Variants in SLURP2 observed in about 807,000 individuals in gnomAD.
The protein encoded by SLURP2 is secreted Ly-6/uPAR domain-containing protein 2.
Under a neutral mutation model 9.8 loss-of-function variants are expected in SLURP2, and 4 were observed. The observed-to-expected ratio is 0.41, with a 90% CI of 0.20 to 0.94. The LOEUF (loss-of-function observed/expected upper bound fraction) is 0.94. Among genes scored for constraint, SLURP2 ranks in the 40% least tolerant of loss-of-function variants. The pLI, the probability that SLURP2 is intolerant of heterozygous loss-of-function variation, is 0.32. For missense variants in SLURP2, 118 were observed against 126.4 expected (o/e 0.93, Z 0.32); for synonymous variants, 58 against 56.2 (o/e 1.03, Z -0.15).
intron 1 of SLURP2, chr8:142,766,216 T>A (rs946459380): frequency 6.6e-6 from 1 of 152,208 alleles, no homozygotes; most frequent in Non-Finnish European, 1.5e-5. Context: ...AAACATGTTT[T>A]TCCTTCAAAA....
chr8:142,764,639 G>A lies in SLURP2; in HGVS notation c.260C>T (p.Ala87Val). The change falls in exon 3 of 3, where the codon GCT becomes GTT. Residue 87 changes from alanine (A) to valine (V), a missense_variant. Coordinates refer to ENST00000317543, the MANE Select transcript of SLURP2 (RefSeq NM_177458.3). ...SLGLGPYVSI[A>V]CCQTSLCNHD ...GTTGCAGAGGCTGGTCTGGCAGCAA[G>A]CGATGGATACGTAGGGGCCCAGGCC... 6.2e-7 allele frequency: 1 copy of A among 1,608,754 alleles called. No individual in the cohort carries two copies. Among genetic ancestry groups the A allele is most frequent in the Non-Finnish European group, 8.5e-7 (1 of 1,178,402 alleles).
chr8:142,764,710 C>G lies in SLURP2; in HGVS notation c.189G>C (p.Leu63=). Residue 63 remains leucine, a synonymous_variant, in exon 3 of 3, where the codon CTG becomes CTC. Transcript: ENST00000317543. The part of the protein sequence containing the change: ...RVLSNTEDLP[L]VTKMCHIGCP... ...AGCCTATGTGGCACATCTTGGTGAC[C>G]AGAGGCAAATCCTCGGTGTTGCTGA... 1.2e-6 allele frequency: 2 copies of G among 1,613,326 alleles called. No individual in the cohort carries two copies. Among genetic ancestry groups the G allele is most frequent in the East Asian group, 2.2e-5 (1 of 44,870 alleles).
chr8:142,764,770 C>T (rs1329661908), intron 2 of SLURP2, 29 bp from the exon 3 acceptor site: 6 of 1,609,436 alleles, frequency 3.7e-6, no homozygotes, highest in Non-Finnish European at 5.1e-6. Context: ...AACCATGGAG[C>T]TCCCTGAGGC....
chr8:142,767,764 T>C (rs1275420818), intron 1 of SLURP2, among the ~76,000 whole-genome samples: 4 of 151,848 alleles, frequency 2.6e-5, no homozygotes, highest in South Asian at 2.1e-4. Flanking sequence ...CTCCAAGTGA[T>C]TGTGCTCAGG....
At chr8:142,764,859 C>A in intron 2 of SLURP2, 118 bp from the exon 3 acceptor site, 1 of 1,336,390 alleles carries the variant, frequency 7.5e-7, no homozygotes, top group Non-Finnish European at 1.1e-6. Flanking sequence ...AGCATACGGG[C>A]CCTCCTGGGG....
intron 1 of SLURP2, among the ~76,000 whole-genome samples, chr8:142,767,712 G>A (rs942777190): frequency 2.0e-5 from 3 of 152,086 alleles, no homozygotes; most frequent in Non-Finnish European, 4.4e-5. Context: ...CACACCCACC[G>A]TGAACTGCAG....
At position 142,768,232 on chromosome 8, in the gene SLURP2, G is replaced by C. The variant is rs1163732052; in HGVS notation, c.52+1523C>G. On this transcript the variant is annotated intron_variant, in intron 1 of 2. Coordinates refer to ENST00000317543, the MANE Select transcript of SLURP2 (RefSeq NM_177458.3). The surrounding 1 kb of genome is among the most constrained non-coding windows in gnomAD (Gnocchi z 4.8). Reference sequence around the variant, plus strand: ...ATAGAGAGGAGGAGGGAGGTGGGGTGGGGGGGAGGGGGCAGGAATAATGGA... The same window carrying C: ...ATAGAGAGGAGGAGGGAGGTGGGGTCGGGGGGAGGGGGCAGGAATAATGGA... Among the ~76,000 whole-genome samples the C allele has an allele frequency of 5.8e-5, 8 of 138,368 alleles. No homozygotes were observed. The highest frequency in any genetic ancestry group is 2.2e-4 in the African/African-American group (8 of 36,844). 90.8% of individuals were successfully genotyped at this position (138,368 alleles called of 152,430 possible).
rs958016746 is a variant in SLURP2 at position 142,764,752 on chromosome 8, A to G, written c.158-11T>C. On this transcript the variant is annotated splice_polypyrimidine_tract_variant and intron_variant, in intron 2 of 2. Coordinates refer to ENST00000317543, the MANE Select transcript of SLURP2 (RefSeq NM_177458.3). Reference sequence around the variant, plus strand: ...TGTTGCTGAGGACCCCTGAGTGGGCAGGAGAGAAACCATGGAGCTCCCTGA... The same window carrying G: ...TGTTGCTGAGGACCCCTGAGTGGGCGGGAGAGAAACCATGGAGCTCCCTGA... 6.2e-7 allele frequency: 1 copy of G among 1,612,686 alleles called. No individual in the cohort carries two copies. Among genetic ancestry groups the G allele is most frequent in the Admixed American group, 1.7e-5 (1 of 59,570 alleles).
At chr8:142,767,900 AAATG>A (rs60268524) in intron 1 of SLURP2, among the ~76,000 whole-genome samples, 44,360 of 140,580 alleles carry the variant, frequency 0.32, 6,727 homozygotes, top group Non-Finnish European at 0.35. Flanking sequence ...ATGAATGAAT[AAATG>A]AATGAATGAA....
Position 142,764,679 on chromosome 8 carries a change from C to T in SLURP2, c.220G>A (p.Asp74Asn), listed in dbSNP as rs373779400. ...GGGCCCAGGCCCAGGCTGGGGATAT[C>T]GGGGCAGCCTATGTGGCACATCTTG... ...VTKMCHIGCP[D>N]IPSLGLGPYV... is the part of the protein sequence containing the mutation. The change falls in exon 3 of 3, where the codon GAT becomes AAT. Residue 74 changes from aspartate (D) to asparagine (N), a missense_variant. Physicochemically the swap from Asp to Asn is conservative, Grantham distance 23. Coordinates refer to ENST00000317543, the MANE Select transcript of SLURP2 (RefSeq NM_177458.3). 6.8e-6 allele frequency: 11 copies of T among 1,612,234 alleles called. No individual in the cohort carries two copies. Among genetic ancestry groups the T allele is most frequent in the Middle Eastern group, 3.3e-4 (2 of 6,074 alleles).
rs587704775 is a variant in SLURP2 at position 142,768,715 on chromosome 8, C to T, written c.52+1040G>A. ...CGAGTCCCCAGGCCCCTGTGTGTCT[C>T]GGACCTTCAGCACAGAGCTGGTCTG... On this transcript the variant is annotated intron_variant, in intron 1 of 2. Coordinates refer to ENST00000317543, the MANE Select transcript of SLURP2 (RefSeq NM_177458.3). The surrounding 1 kb of genome is among the most constrained non-coding windows in gnomAD (Gnocchi z 4.8). Among the ~76,000 whole-genome samples, 17 of 152,268 alleles carry T rather than the reference C, an allele frequency of 1.1e-4. 1 individual carries two copies. Among genetic ancestry groups the T allele is most frequent in the Middle Eastern group, 3.4e-3 (1 of 294 alleles).
chr8:142,769,595 C>A (rs1027838913), intron 1 of SLURP2, among the ~76,000 whole-genome samples, 160 bp downstream of exon 1: 1 of 147,622 alleles, frequency 6.8e-6, no homozygotes, highest in Non-Finnish European at 1.5e-5. Context: ...CCTGCAGGAT[C>A]GCAGGAGGCT....
intron 2 of SLURP2, 134 bp downstream of exon 2, chr8:142,764,902 G>GGTATGA: frequency 1.8e-6 from 2 of 1,122,236 alleles, no homozygotes; most frequent in South Asian, 1.4e-5. Context: ...CCCTTCCCTG[G>GGTATGA]GCATCACTGG....
chr8:142,764,919 C>T (rs969829574), intron 2 of SLURP2, 117 bp downstream of exon 2: 72 of 1,129,928 alleles, frequency 6.4e-5, no homozygotes, highest in Middle Eastern at 2.0e-4. Context: ...CTGGCGGACA[C>T]TCCCCACTAT....
At chr8:142,765,787 C>T (rs1049326829) in intron 1 of SLURP2, among the ~76,000 whole-genome samples, 6 of 151,924 alleles carry the variant, frequency 3.9e-5, no homozygotes, top group African/African-American at 1.5e-4. Context: ...ATGGTGAAAC[C>T]CTATCTCTAC....
chr8:142,769,766 C>A lies in SLURP2; in HGVS notation c.41G>T (p.Ser14Ile), dbSNP rs757181137. ...GTGLLLAAVLSLQLAAAEAIW... is the reference protein window; with the variant it reads ...GTGLLLAAVLILQLAAAEAIW... ...GCCCCTGGACTCACCCAGCTGCAGG[C>A]TCAGGACGGCGGCCAGCAGGAGCCC... The change falls in exon 1 of 3, where the codon AGC becomes ATC. Residue 14 changes from serine (S) to isoleucine (I), a missense_variant. Physicochemically the swap from Ser to Ile is moderately radical, Grantham distance 142. Transcript: ENST00000317543. 2 of 1,603,118 alleles carry A rather than the reference C, an allele frequency of 1.2e-6. No individual in the cohort carries two copies. Among genetic ancestry groups the A allele is most frequent in the Non-Finnish European group, 8.5e-7 (1 of 1,176,532 alleles).
At chr8:142,765,194 A>G in intron 1 of SLURP2, 54 bp from the exon 2 acceptor site, 1 of 1,428,458 alleles carries the variant, frequency 7.0e-7, no homozygotes, top group Admixed American at 1.9e-5. Flanking sequence ...GGTGTGGGCC[A>G]CCTTCTGCAG....
In SLURP2 at chr8:142,769,827, C is replaced by T. The variant is rs186510588; in HGVS notation, c.-21G>A. 62 of 1,578,496 alleles carry T rather than the reference C, an allele frequency of 3.9e-5. No individual in the cohort carries two copies. In the East Asian group the frequency reaches 1.4e-3, roughly 36 times the overall value. On this transcript the variant is annotated 5_prime_UTR_variant, in exon 1 of 3. Transcript: ENST00000317543. ...TGCATGTTCTCCTGGTGAGGTCGGG[C>T]TGTCGGCGCCCTGGCCGGCTGCCTT...
intron 2 of SLURP2, 53 bp downstream of exon 2, chr8:142,764,983 T>C (rs587702710): frequency 8.1e-6 from 12 of 1,481,922 alleles, no homozygotes; most frequent in Middle Eastern, 1.7e-4. Flanking sequence ...TGAGCCCACA[T>C]CTTCCCACCT....
Sources: gnomAD v4.1 joint callset for allele counts (sites outside exome capture counted in the v4.1 genomes callset) on GRCh38, gnomAD v4.1.1 for gene constraint, Gnocchi (gnomAD v3.1) non-coding constraint, MANE v1.5 for transcripts, NCBI Gene and HGNC (gene_info 2026-07-23, HGNC 2026-07-21) for gene names.